Variants in EYA1 observed in about 807,000 individuals in gnomAD.
The protein encoded by EYA1 is protein phosphatase EYA1.
Under a neutral mutation model 82.0 loss-of-function variants are expected in EYA1, and 16 were observed. The ratio of observed to expected loss-of-function variants is 0.20; its 90% CI spans 0.13 to 0.30. EYA1 has a LOEUF of 0.30. Among genes scored for constraint, EYA1 ranks in the 10% least tolerant of loss-of-function variants. The probability of loss-of-function intolerance (pLI) is 1.00; values close to 1 mark genes in which losing one functional copy is unlikely to be tolerated. For missense variants in EYA1, 633 were observed against 730.7 expected, an observed-to-expected ratio of 0.87 and a Z score of 1.54; for synonymous variants, 261 against 264.4, an observed-to-expected ratio of 0.99 and a Z score of 0.12.
intron 17 of EYA1, among the ~76,000 whole-genome samples, chr8:71,208,245 T>A (rs1338227857): frequency 6.6e-6 from 1 of 151,938 alleles, no homozygotes; most frequent in African/African-American, 2.4e-5. Flanking sequence ...CCAGTCTGGC[T>A]AACTGGTGAA....
intron 2 of EYA1, among the ~76,000 whole-genome samples, chr8:71,484,963 C>T (rs1201497115): frequency 6.6e-6 from 1 of 152,230 alleles, no homozygotes; most frequent in Non-Finnish European, 1.5e-5. Flanking sequence ...AAGCAAAGCT[C>T]TGTGCCTCTA....
upstream of EYA1, among the ~76,000 whole-genome samples, chr8:71,365,356 C>G (rs922699399): frequency 1.3e-5 from 2 of 151,960 alleles, no homozygotes; most frequent in Non-Finnish European, 2.9e-5. Flanking sequence ...ATGCTATTAC[C>G]TGGTCCAAAA....
intron 2 of EYA1, among the ~76,000 whole-genome samples, chr8:71,374,449 G>A (rs188037380): frequency 4.3e-4 from 65 of 152,220 alleles, no homozygotes; most frequent in African/African-American, 1.5e-3. Context: ...CCTTACACCT[G>A]TTAGGACGTC....
At chr8:71,518,676 C>T (rs1443854455) in intron 2 of EYA1, among the ~76,000 whole-genome samples, 1 of 152,052 alleles carries the variant, frequency 6.6e-6, no homozygotes, top group African/African-American at 2.4e-5. Flanking sequence ...CAACCCAATG[C>T]AAAAACAAGC....
intron 2 of EYA1, among the ~76,000 whole-genome samples, chr8:71,472,594 G>A (rs77822793): frequency 0.057 from 8,706 of 151,550 alleles, 828 homozygotes; most frequent in African/African-American, 0.2. Flanking sequence ...TCTATTCTTC[G>A]TAATATTATT....
intron 3 of EYA1, among the ~76,000 whole-genome samples, chr8:71,334,658 T>C (rs1057367195): frequency 6.6e-6 from 1 of 152,270 alleles, no homozygotes; most frequent in African/African-American, 2.4e-5. Context: ...ACACACCTTC[T>C]GGGTTCTCCA....
chr8:71,521,699 A>G (rs1446936202), intron 2 of EYA1, among the ~76,000 whole-genome samples: 1 of 152,134 alleles, frequency 6.6e-6, no homozygotes, highest in Admixed American at 6.5e-5. Context: ...CAAATGCAAA[A>G]AAATGTTAAG....
intron 2 of EYA1, among the ~76,000 whole-genome samples, chr8:71,499,852 G>T (rs1012763728): frequency 7.9e-5 from 12 of 152,176 alleles, no homozygotes; most frequent in African/African-American, 2.9e-4. Context: ...GATCATTCTG[G>T]CTGCATATGC....
intron 4 of EYA1, among the ~76,000 whole-genome samples, chr8:71,326,742 A>G (rs1823195601): frequency 6.6e-6 from 1 of 152,170 alleles, no homozygotes; most frequent in Non-Finnish European, 1.5e-5. Flanking sequence ...ATCCTGGCAC[A>G]GTTAATCCTG....
chr8:71,239,277 T>C (rs1305382379), intron 12 of EYA1, among the ~76,000 whole-genome samples: 1 of 152,086 alleles, frequency 6.6e-6, no homozygotes, highest in African/African-American at 2.4e-5. Flanking sequence ...AAACTGAGGG[T>C]TTTGATGTTA....
intron 2 of EYA1, among the ~76,000 whole-genome samples, chr8:71,378,036 A>G (rs1300542709): frequency 6.6e-6 from 1 of 152,128 alleles, no homozygotes; most frequent in Non-Finnish European, 1.5e-5. Context: ...TCTCTCCAAC[A>G]TCTTCTCCCA....
At chr8:71,313,127 C>CA (rs1000552582) in intron 7 of EYA1, among the ~76,000 whole-genome samples, 15 of 152,256 alleles carry the variant, frequency 9.9e-5, no homozygotes, top group African/African-American at 3.1e-4. Context: ...CATTTTCCAA[C>CA]ACCCCATTCA....
intron 12 of EYA1, among the ~76,000 whole-genome samples, chr8:71,219,995 C>T (rs145773163): frequency 1.3e-5 from 2 of 152,232 alleles, no homozygotes; most frequent in East Asian, 3.9e-4. Context: ...AGGGAGGGTG[C>T]AGGGCCTGAT....
At chr8:71,282,183 C>T (rs1161140718) in intron 9 of EYA1, among the ~76,000 whole-genome samples, 1 of 152,176 alleles carries the variant, frequency 6.6e-6, no homozygotes, top group Non-Finnish European at 1.5e-5. Flanking sequence ...TAAGGCCAAC[C>T]CCTCCTTTTG....
chr8:71,357,669 T>C (rs1827018781), intron 1 of EYA1, among the ~76,000 whole-genome samples: 3 of 152,320 alleles, frequency 2.0e-5, no homozygotes, highest in Admixed American at 6.5e-5. Context: ...TATTTTTAAA[T>C]TATGATTTAT....
At chr8:71,502,324 G>C (rs1811869240) in intron 2 of EYA1, among the ~76,000 whole-genome samples, 1 of 151,906 alleles carries the variant, frequency 6.6e-6, no homozygotes, top group Admixed American at 6.6e-5. Context: ...ATTCTTCTTT[G>C]TCTGCTCCAC....
At chr8:71,413,376 T>C (rs1282345410) in intron 2 of EYA1, among the ~76,000 whole-genome samples, 2 of 152,210 alleles carry the variant, frequency 1.3e-5, no homozygotes, top group Non-Finnish European at 2.9e-5. Flanking sequence ...ATATGCTCAG[T>C]ATATTATCCT....
intron 9 of EYA1, among the ~76,000 whole-genome samples, chr8:71,293,434 A>G (rs1039811677): frequency 2.0e-5 from 3 of 152,174 alleles, no homozygotes; most frequent in Admixed American, 2.0e-4. Flanking sequence ...AATTCCATCA[A>G]TGAGGCCAGC....
chr8:71,418,761 A>T lies in EYA1; in HGVS notation c.34-62250T>A, dbSNP rs190965979. Among the ~76,000 whole-genome samples, 3 of 152,326 alleles carry T rather than the reference A, an allele frequency of 2.0e-5. No homozygotes were observed. The East Asian group carries it at 5.8e-4, about 29-fold the overall frequency. On this transcript the variant is annotated intron_variant, in intron 2 of 18. Transcript: ENST00000643681. The stretch of plus-strand genomic sequence containing the variant: ...GCAGAAATAAAATCTGTCCCAGATG[A>T]CGATGAGTGCTGTGAAGAAGGAAGT...
Sources: gnomAD v4.1 joint callset for allele counts (sites outside exome capture counted in the v4.1 genomes callset) on GRCh38, gnomAD v4.1.1 for gene constraint, MANE v1.5 for transcripts, NCBI Gene and HGNC (gene_info 2026-07-23, HGNC 2026-07-21) for gene names.